Variants in SPDL1 observed in about 807,000 individuals in gnomAD.
The protein encoded by SPDL1 is protein Spindly.
In SPDL1, 85 loss-of-function variants were observed where a neutral mutation model predicts 79.5. That is an observed-to-expected ratio of 1.07 (90% CI 0.90 to 1.28). The LOEUF (loss-of-function observed/expected upper bound fraction) is 1.28, where lower values mean the gene tolerates loss of function less well. SPDL1 is among the 50% of genes most tolerant of loss of function. SPDL1 has a pLI of 0.00. For missense variants in SPDL1, 703 were observed against 697.8 expected (o/e 1.01, Z -0.08); for synonymous variants, 269 against 240.3 (o/e 1.12, Z -1.10).
chr5:169,591,600 T>G (rs1691428434), intron 3 of SPDL1, among the ~76,000 whole-genome samples: 1 of 152,202 alleles, frequency 6.6e-6, no homozygotes, highest in African/African-American at 2.4e-5. Context: ...CAGTAGTTTC[T>G]TACTAGTTAA....
chr5:169,588,311 G>A, intron 1 of SPDL1, 83 bp from the exon 2 acceptor site: 1 of 932,036 alleles, frequency 1.1e-6, no homozygotes. Flanking sequence ...GTAGTATTGA[G>A]TAGATATGTT....
At position 169,601,352 on chromosome 5, in the gene SPDL1, C is replaced by G. The variant is rs1444612310; in HGVS notation, c.1397C>G (p.Ala466Gly). ...GTGGATATAACCACCGCTAAAGATG[C>G]ATGTGTCAACAACAGTGCTCTCGGG... is the stretch of plus-strand genomic sequence containing the variant. ...LPVDITTAKD[A>G]CVNNSALGGE... Residue 466 changes from alanine (A) to glycine (G), a missense_variant, in exon 11 of 12, where the codon GCA becomes GGA. Coordinates refer to ENST00000265295, the MANE Select transcript of SPDL1 (RefSeq NM_017785.5). The G allele has an allele frequency of 1.9e-6, 3 of 1,613,832 alleles. No homozygotes were observed. The East Asian group carries it at 6.7e-5, about 36-fold the overall frequency.
chr5:169,589,763 G>A (rs551753400), intron 2 of SPDL1, among the ~76,000 whole-genome samples: 33 of 150,852 alleles, frequency 2.2e-4, no homozygotes, highest in Admixed American at 4.0e-4. Context: ...GTGCAGTGGC[G>A]CAATCTTGGC....
chr5:169,590,042 A>T (rs1295060498), intron 2 of SPDL1, among the ~76,000 whole-genome samples: 1 of 152,028 alleles, frequency 6.6e-6, no homozygotes, highest in Non-Finnish European at 1.5e-5. Context: ...TAGATTATAA[A>T]CTCCATGAGA....
chr5:169,601,653 C>A, intron 11 of SPDL1, 28 bp downstream of exon 11: 1 of 1,582,866 alleles, frequency 6.3e-7, no homozygotes, highest in Non-Finnish European at 8.7e-7. Context: ...CTCCAGGCAG[C>A]CAGCAGACCT....
intron 4 of SPDL1, 145 bp downstream of exon 4, chr5:169,593,693 G>GT (rs1755423619): frequency 5.9e-5 from 41 of 696,244 alleles, no homozygotes; most frequent in South Asian, 1.4e-4. Flanking sequence ...TAAAAAATGG[G>GT]TTTTTTTTAG....
At position 169,583,834 on chromosome 5, in the gene SPDL1, G is replaced by C. The variant is rs1000374017; in HGVS notation, c.-79G>C. The C allele has an allele frequency of 1.3e-5, 2 of 152,336 alleles. No individual in the cohort carries two copies. The highest frequency in any genetic ancestry group is 1.3e-4 in the Admixed American group (2 of 15,290). 9.4% of individuals were successfully genotyped at this position (152,336 alleles called of 1,614,324 possible). On this transcript the variant is annotated 5_prime_UTR_variant, in exon 1 of 12. Coordinates refer to ENST00000265295, the MANE Select transcript of SPDL1 (RefSeq NM_017785.5). The stretch of plus-strand genomic sequence containing the variant: ...TGGAGTTAGCGTCCTCAATGTGGAC[G>C]CCCTGAGCTCCCATTAGGAGCCGCT...
At chr5:169,592,556 A>G (rs1309655042) in intron 3 of SPDL1, among the ~76,000 whole-genome samples, 1 of 152,064 alleles carries the variant, frequency 6.6e-6, no homozygotes, top group Admixed American at 6.5e-5. Flanking sequence ...CCCAGTATAC[A>G]CTAAAACAAA....
At chr5:169,599,827 A>G (rs1252710975) in intron 10 of SPDL1, among the ~76,000 whole-genome samples, 1 of 152,208 alleles carries the variant, frequency 6.6e-6, no homozygotes, top group African/African-American at 2.4e-5. Flanking sequence ...CTGTAATCCC[A>G]GCTCTTGGGG....
At chr5:169,600,274 A>C in intron 10 of SPDL1, among the ~76,000 whole-genome samples, 1 of 152,204 alleles carries the variant, frequency 6.6e-6, no homozygotes, top group Non-Finnish European at 1.5e-5. Flanking sequence ...TTTTTACACA[A>C]TTTTAAAAGG....
intron 1 of SPDL1, among the ~76,000 whole-genome samples, chr5:169,585,035 G>A (rs1442148459): frequency 2.1e-5 from 3 of 143,968 alleles, no homozygotes; most frequent in Non-Finnish European, 4.6e-5. Context: ...AAAAAAGAAT[G>A]TGTATAAAGC....
intron 11 of SPDL1, among the ~76,000 whole-genome samples, chr5:169,602,554 C>T (rs2113398050): frequency 6.6e-6 from 1 of 152,168 alleles, no homozygotes; most frequent in Non-Finnish European, 1.5e-5. Flanking sequence ...AGACATTTTA[C>T]TAATGTGCAT....
Position 169,601,400 on chromosome 5 carries a change from C to T in SPDL1, c.1445C>T (p.Pro482Leu), listed in dbSNP as rs139581722. ...GGGGGAGAAGTTTATCGATTACCGC[C>T]TCAGAAAGAGGAGACACAGTCCTGC... ...ALGGEVYRLP[P>L]QKEETQSCPN... Residue 482 changes from proline to leucine, a missense_variant, in exon 11 of 12, where the codon CCT becomes CTT. Transcript: ENST00000265295. The T allele has an allele frequency of 3.1e-6, 5 of 1,613,908 alleles. No individual in the cohort carries two copies. In the African/African-American group the frequency reaches 5.3e-5, roughly 17 times the overall value.
At position 169,604,131 on chromosome 5, in the gene SPDL1, A is replaced by G; in HGVS notation, c.1742A>G (p.Glu581Gly). The G allele has an allele frequency of 6.2e-7, 1 of 1,613,606 alleles. No homozygotes were observed. Among genetic ancestry groups the G allele is most frequent in the Non-Finnish European group, 8.5e-7 (1 of 1,179,818 alleles). Reference protein sequence around the residue: ...GKETSSKLEKETCKKLHPILY... With the variant: ...GKETSSKLEKGTCKKLHPILY... ...GAAACTTCAAGCAAATTGGAAAAAG[A>G]AACTTGTAAGAAATTACACCCTATT... is the stretch of plus-strand genomic sequence containing the variant. Residue 581 changes from glutamate to glycine, a missense_variant, in exon 12 of 12, where the codon GAA becomes GGA. Glu to Gly is a moderately conservative substitution (Grantham distance 98). Coordinates refer to ENST00000265295, the MANE Select transcript of SPDL1 (RefSeq NM_017785.5).
rs1755448378 is a variant in SPDL1 at position 169,594,147 on chromosome 5, C to G, written c.534C>G (p.Thr178=). The change falls in exon 5 of 12, where the codon ACC becomes ACG. Residue 178 remains threonine (T), a splice_region_variant and synonymous_variant. Transcript: ENST00000265295. ...IELTEMESMK[T]TLKEEVNELQ... is the part of the protein sequence containing the mutation. ...CCTTTTCAATTCCTGTTAAATAGAC[C>G]ACCCTCAAAGAAGAAGTGAATGAAC... The G allele has an allele frequency of 6.3e-7, 1 of 1,597,468 alleles. No individual in the cohort carries two copies. The highest frequency in any genetic ancestry group is 8.5e-7 in the Non-Finnish European group (1 of 1,175,316).
intron 2 of SPDL1, among the ~76,000 whole-genome samples, chr5:169,589,468 C>A (rs1755156593): frequency 6.6e-6 from 1 of 152,122 alleles, no homozygotes; most frequent in Admixed American, 6.5e-5. Context: ...TGTGACCTGA[C>A]CCCTGCCAAG....
At chr5:169,599,280 A>G (rs1581315450) in intron 10 of SPDL1, 121 bp downstream of exon 10, 1 of 826,982 alleles carries the variant, frequency 1.2e-6, no homozygotes, top group Non-Finnish European at 1.7e-6. Context: ...TTATATACCT[A>G]TAGTTAATAA....
At chr5:169,589,214 A>G (rs1030899422) in intron 2 of SPDL1, among the ~76,000 whole-genome samples, 10 of 152,176 alleles carry the variant, frequency 6.6e-5, no homozygotes, top group African/African-American at 2.4e-4. Context: ...CAAAGCATGT[A>G]TCTTTGCTAC....
chr5:169,590,381 G>A (rs1348212181), intron 2 of SPDL1, among the ~76,000 whole-genome samples: 2 of 152,200 alleles, frequency 1.3e-5, no homozygotes, highest in Non-Finnish European at 2.9e-5. Flanking sequence ...TCAAATTTCA[G>A]TGTTTAACAG....
Sources: allele counts gnomAD v4.1 joint callset (sites outside exome capture counted in the v4.1 genomes callset), GRCh38; gene constraint gnomAD v4.1.1; transcripts MANE v1.5; gene names NCBI Gene and HGNC (gene_info 2026-07-23, HGNC 2026-07-21).